The following ACADS variants were observed in gnomAD, a reference collection of about 807,000 sequenced individuals.
The protein encoded by ACADS is short-chain specific acyl-CoA dehydrogenase, mitochondrial.
In ACADS, 28 loss-of-function variants were observed where a neutral mutation model predicts 46.8. The observed-to-expected ratio is 0.60, with a 90% CI of 0.44 to 0.82. The LOEUF (loss-of-function observed/expected upper bound fraction) is 0.82, where lower values mean the gene tolerates loss of function less well. ACADS is among the 40% of genes least tolerant of loss of function. ACADS has a pLI of 0.00. For synonymous variants in ACADS, 236 were observed against 237.7 expected (o/e 0.99, Z 0.07); for missense variants, 528 against 578.0 (o/e 0.91, Z 0.89).
At position 120,737,080 on chromosome 12, in the gene ACADS, TGGA is replaced by T. The variant is rs387906308; in HGVS notation, c.310_312del (p.Glu104del). The T allele has an allele frequency of 3.0e-5, 48 of 1,602,384 alleles. No homozygotes were observed. The highest frequency in any genetic ancestry group is 3.5e-5 in the Non-Finnish European group (41 of 1,174,696). ...GATTACCTGGCCTACGCCATCGCCATGGAGGAGATCAGCCGTGGCTGCGCCTCC... is the reference window on the plus strand; with the variant it reads ...GATTACCTGGCCTACGCCATCGCCATGGAGATCAGCCGTGGCTGCGCCTCC... On this transcript the variant is annotated inframe_deletion, in exon 3 of 10. Transcript: ENST00000242592.
Position 120,739,209 on chromosome 12 carries a change from A to G in ACADS, c.1086+13A>G. ...CATCAGCCACCAGGTGAGTGTCCAC[A>G]GTGAGCTCTGAGGGGGCCAGCTGCC... On this transcript the variant is annotated intron_variant, in intron 9 of 9. Coordinates refer to ENST00000242592, the MANE Select transcript of ACADS (RefSeq NM_000017.4). 1 of 1,613,074 alleles carries G rather than the reference A, an allele frequency of 6.2e-7. No homozygotes were observed. Among genetic ancestry groups the G allele is most frequent in the Non-Finnish European group, 8.5e-7 (1 of 1,180,000 alleles).
chr12:120,737,571 G>C, intron 4 of ACADS, 104 bp downstream of exon 4: 2 of 1,198,714 alleles, frequency 1.7e-6, no homozygotes, highest in South Asian at 2.5e-5. Context: ...CAGAGGGGAG[G>C]CTCCCCGTGT....
At chr12:120,726,981 G>C (rs1372392342) in intron 1 of ACADS, 45 bp from the exon 2 acceptor site, 1 of 1,611,724 alleles carries the variant, frequency 6.2e-7, no homozygotes, top group Non-Finnish European at 8.5e-7. Context: ...GATTCTTGGA[G>C]ACCTCCTGCC....
chr12:120,733,238 G>A (rs1883323277), intron 2 of ACADS, among the ~76,000 whole-genome samples: 1 of 131,822 alleles, frequency 7.6e-6, no homozygotes, highest in African/African-American at 3.0e-5. Context: ...GAGACCGGGG[G>A]GAGAGGGAGA....
intron 1 of ACADS, among the ~76,000 whole-genome samples, chr12:120,726,428 G>C (rs1883085779): frequency 6.6e-6 from 1 of 152,184 alleles, no homozygotes; most frequent in Non-Finnish European, 1.5e-5. Context: ...GTTCTTGCTG[G>C]TTAATACAGT....
rs371096896 is a variant in ACADS, at chr12:120,727,168, A to T, written c.189A>T (p.Glu63Asp). The change falls in exon 2 of 10, where the codon GAA (glutamate) becomes GAT (aspartate). Residue 63 changes from glutamate (E) to aspartate (D), a missense_variant. Coordinates refer to ENST00000242592, the MANE Select transcript of ACADS (RefSeq NM_000017.4). Reference sequence around the variant, plus strand: ...CCATTGCAGCCCAGGTGGATAAGGAACATCTCTTCCCAGCGGCTCAGGTGA... The same window carrying T: ...CCATTGCAGCCCAGGTGGATAAGGATCATCTCTTCCCAGCGGCTCAGGTGA... ...LFPIAAQVDK[E>D]HLFPAAQVKK... 12 of 1,614,160 alleles carry T rather than the reference A, an allele frequency of 7.4e-6. No individual in the cohort carries two copies. The African/African-American group carries it at 1.5e-4, about 20-fold the overall frequency.
chr12:120,731,809 G>T (rs1302698634), intron 2 of ACADS, among the ~76,000 whole-genome samples: 1 of 151,834 alleles, frequency 6.6e-6, no homozygotes, highest in African/African-American at 2.4e-5. Context: ...TGTGTCCCTG[G>T]GTACTTGAGA....
intron 2 of ACADS, among the ~76,000 whole-genome samples, chr12:120,734,662 T>C (rs1426515674): frequency 6.6e-6 from 1 of 151,674 alleles, no homozygotes; most frequent in African/African-American, 2.4e-5. Flanking sequence ...CTAATCAGCA[T>C]GAGGGAGGCT....
intron 2 of ACADS, among the ~76,000 whole-genome samples, chr12:120,732,407 G>A (rs1883279384): frequency 1.3e-5 from 2 of 151,302 alleles, no homozygotes; most frequent in South Asian, 4.2e-4. Flanking sequence ...CTGCTGGGCG[G>A]AGGGGCTCCT....
intron 2 of ACADS, among the ~76,000 whole-genome samples, chr12:120,729,862 G>A (rs1460040730): frequency 6.6e-6 from 1 of 152,182 alleles, no homozygotes; most frequent in Non-Finnish European, 1.5e-5. Context: ...AGAAGGCTGT[G>A]CTCTTAGGTG....
intron 2 of ACADS, among the ~76,000 whole-genome samples, chr12:120,736,473 G>A (rs535463609): frequency 2.3e-4 from 35 of 152,210 alleles, no homozygotes; most frequent in Non-Finnish European, 3.5e-4. Flanking sequence ...AGTGCTGCAG[G>A]AGAGGGACTG....
In ACADS at chr12:120,739,191, C is replaced by T; in HGVS notation, c.1081C>T (p.His361Tyr). The T allele has an allele frequency of 6.2e-7, 1 of 1,613,086 alleles. No homozygotes were observed. The highest frequency in any genetic ancestry group is 1.1e-5 in the South Asian group (1 of 91,086). Residue 361 changes from histidine to tyrosine, a missense_variant, in exon 9 of 10, where the codon CAC becomes TAC. Transcript: ENST00000242592. ...AASEAATAIS[H>Y]QAIQILGGMG... ...CTCGGAGGCCGCGACCGCCATCAGC[C>T]ACCAGGTGAGTGTCCACAGTGAGCT... is the stretch of plus-strand genomic sequence containing the variant.
chr12:120,732,758 G>C (rs1406095462), intron 2 of ACADS, among the ~76,000 whole-genome samples: 1 of 151,554 alleles, frequency 6.6e-6, no homozygotes, highest in Non-Finnish European at 1.5e-5. Flanking sequence ...GGGCAGAGGG[G>C]CTCCTCACAT....
intron 2 of ACADS, among the ~76,000 whole-genome samples, chr12:120,733,517 C>T (rs1158191266): frequency 6.7e-6 from 1 of 150,316 alleles, no homozygotes; most frequent in Non-Finnish European, 1.5e-5. Flanking sequence ...CTTGGACTTC[C>T]CCTTCCCTAG....
chr12:120,734,753 A>ATT (rs34601782), intron 2 of ACADS, among the ~76,000 whole-genome samples: 24,453 of 136,816 alleles, frequency 0.18, 3,486 homozygotes, highest in African/African-American at 0.38. Context: ...AAAAACAATA[A>ATT]TTTTTTTTTT....
chr12:120,735,770 G>T (rs1184974420), intron 2 of ACADS, among the ~76,000 whole-genome samples: 1 of 151,918 alleles, frequency 6.6e-6, no homozygotes, highest in Non-Finnish European at 1.5e-5. Flanking sequence ...GTGATTATGG[G>T]CACCTGTAAT....
chr12:120,737,655 C>A, intron 4 of ACADS, 182 bp from the exon 5 acceptor site: 2 of 1,087,350 alleles, frequency 1.8e-6, no homozygotes, highest in Non-Finnish European at 2.7e-6. Context: ...TGGTTTAAGA[C>A]GCCAGCTCCT....
Position 120,738,877 on chromosome 12 carries a change from G to A in ACADS, c.991G>A (p.Ala331Thr), listed in dbSNP as rs1267288663. ...LESARLLTWR[A>T]AMLKDNKKPF... ...GAGTGCCCGGCTGCTGACCTGGCGC[G>A]CTGCCATGCTGAAGGATAACAAGAA... is the stretch of plus-strand genomic sequence containing the variant. Residue 331 changes from alanine to threonine, a missense_variant, in exon 8 of 10, where the codon GCT becomes ACT. Coordinates refer to ENST00000242592, the MANE Select transcript of ACADS (RefSeq NM_000017.4). 33 of 1,613,728 alleles carry A rather than the reference G, an allele frequency of 2.0e-5. No homozygotes were observed. The highest frequency in any genetic ancestry group is 2.8e-5 in the Non-Finnish European group (33 of 1,180,028).
At chr12:120,735,846 C>T (rs928462097) in intron 2 of ACADS, among the ~76,000 whole-genome samples, 5 of 151,856 alleles carry the variant, frequency 3.3e-5, no homozygotes, top group Non-Finnish European at 4.4e-5. Flanking sequence ...TGCAGTGAGC[C>T]GAGATCTGCA....
Sources: allele counts gnomAD v4.1 joint callset (sites outside exome capture counted in the v4.1 genomes callset), GRCh38; gene constraint gnomAD v4.1.1; transcripts MANE v1.5; gene names NCBI Gene and HGNC (gene_info 2026-07-23, HGNC 2026-07-21).